The following KIF26B variants were observed in gnomAD, a reference collection of about 807,000 sequenced individuals.
KIF26B encodes kinesin-like protein KIF26B.
A neutral mutation model predicts 151.2 loss-of-function variants in KIF26B; 63 were observed. The observed-to-expected ratio is 0.42, with a 90% CI of 0.34 to 0.51. The LOEUF (loss-of-function observed/expected upper bound fraction) is 0.51, where lower values mean the gene tolerates loss of function less well. KIF26B is among the 20% of genes least tolerant of loss of function. The pLI, the probability that KIF26B is intolerant of heterozygous loss-of-function variation, is 0.07. For synonymous variants in KIF26B, 1,357 were observed against 1,262.1 expected (o/e 1.08, Z -1.59); for missense variants, 2,813 against 2,913.6 (o/e 0.97, Z 0.79).
chr1:245,261,467 TTCTCTCTCTCTCTCTC>T (rs376897211), intron 2 of KIF26B, among the ~76,000 whole-genome samples: 98 of 112,232 alleles, frequency 8.7e-4, no homozygotes, highest in South Asian at 1.8e-3. Flanking sequence ...TTTTCTTTCT[TTCTCTCTCTCTCTCTC>T]TCTCTCTCTC....
At chr1:245,620,247 G>A (rs963205594) in intron 9 of KIF26B, among the ~76,000 whole-genome samples, 14 of 152,012 alleles carry the variant, frequency 9.2e-5, no homozygotes, top group East Asian at 7.7e-4. Flanking sequence ...AACCACATTC[G>A]TATTAACAGT....
Position 245,682,289 on chromosome 1 carries a change from C to T in KIF26B, c.2259-1944C>T, listed in dbSNP as rs566448640. On this transcript the variant is annotated intron_variant, in intron 10 of 14. Coordinates refer to ENST00000407071, the MANE Select transcript of KIF26B (RefSeq NM_018012.4). ...AAAAAGTCATCGAAATGACAGAAAC[C>T]GTAATTACTTTTGCACCAAACTGTA... Among the ~76,000 whole-genome samples, 28 of 152,258 alleles carry T rather than the reference C, an allele frequency of 1.8e-4. No individual in the cohort carries two copies. In the South Asian group the frequency reaches 3.9e-3, roughly 21 times the overall value.
At position 245,685,497 on chromosome 1, in the gene KIF26B, G is replaced by A. The variant is rs770483675; in HGVS notation, c.2514G>A (p.Thr838=). ...TQLRPFHTRA[T]VDPDFPIAHL... The stretch of plus-strand genomic sequence containing the variant: ...TGAGACCCTTCCACACCAGGGCCAC[G>A]GTGGACCCTGACTTCCCCATCGCTC... Residue 838 remains threonine, a synonymous_variant, in exon 12 of 15, where the codon ACG becomes ACA. Coordinates refer to ENST00000407071, the MANE Select transcript of KIF26B (RefSeq NM_018012.4). 8.1e-6 allele frequency: 13 copies of A among 1,613,586 alleles called. No homozygotes were observed. The highest frequency in any genetic ancestry group is 1.1e-5 in the South Asian group (1 of 91,074).
chr1:245,664,695 G>A (rs1186346109), intron 10 of KIF26B, among the ~76,000 whole-genome samples: 1 of 152,096 alleles, frequency 6.6e-6, no homozygotes, highest in Non-Finnish European at 1.5e-5. Flanking sequence ...GGTTAAAACT[G>A]CTTTATATTG....
Position 245,227,926 on chromosome 1 carries a change from C to T in KIF26B, c.465+71243C>T, listed in dbSNP as rs930486737. Among the ~76,000 whole-genome samples, 3 of 152,012 alleles carry T rather than the reference C, an allele frequency of 2.0e-5. No homozygotes were observed. Among genetic ancestry groups the T allele is most frequent in the Non-Finnish European group, 4.4e-5 (3 of 67,994 alleles). On this transcript the variant is annotated intron_variant, in intron 2 of 14. Coordinates refer to ENST00000407071, the MANE Select transcript of KIF26B (RefSeq NM_018012.4). The surrounding 1 kb of genome is among the most constrained non-coding windows in gnomAD (Gnocchi z 4.1). ...CTGAGGCAGGAGAATCGCTTGAACC[C>T]GGGAGGCGGAGGTTGCAGTGAGCTC...
At chr1:245,359,071 T>C (rs1238298520) in intron 2 of KIF26B, among the ~76,000 whole-genome samples, 1 of 151,724 alleles carries the variant, frequency 6.6e-6, no homozygotes, top group Non-Finnish European at 1.5e-5. Context: ...CAGGCTGGAG[T>C]GCAGTGGCGC....
intron 3 of KIF26B, among the ~76,000 whole-genome samples, chr1:245,377,203 C>T (rs1282919368): frequency 1.3e-5 from 2 of 152,258 alleles, no homozygotes; most frequent in Non-Finnish European, 2.9e-5. Flanking sequence ...GCGTGAGCCA[C>T]CGCCCCCAGC....
At chr1:245,435,883 A>G (rs1320213656) in intron 4 of KIF26B, among the ~76,000 whole-genome samples, 1 of 152,162 alleles carries the variant, frequency 6.6e-6, no homozygotes, top group Non-Finnish European at 1.5e-5. Context: ...GAATTATTCA[A>G]CTGAAAGGAG....
intron 3 of KIF26B, among the ~76,000 whole-genome samples, chr1:245,416,292 A>AG (rs1553272388): frequency 3.5e-5 from 5 of 142,878 alleles, no homozygotes; most frequent in South Asian, 4.3e-4. Flanking sequence ...AAAAAAAAAA[A>AG]AAAAAAAGAA....
intron 3 of KIF26B, among the ~76,000 whole-genome samples, chr1:245,380,804 A>G (rs535090740): frequency 3.4e-4 from 52 of 152,186 alleles, no homozygotes; most frequent in African/African-American, 1.2e-3. Flanking sequence ...TTTGGGGGCA[A>G]TTTGGGGTGC....
intron 4 of KIF26B, among the ~76,000 whole-genome samples, chr1:245,455,143 A>G (rs115268171): frequency 7.1e-4 from 108 of 152,252 alleles, no homozygotes; most frequent in African/African-American, 2.3e-3. Flanking sequence ...CTCTCCCTGC[A>G]CCACCCCTTG....
chr1:245,328,125 A>ATGCTGATAG (rs1553347148), intron 2 of KIF26B, among the ~76,000 whole-genome samples: 15 of 151,140 alleles, frequency 9.9e-5, no homozygotes, highest in African/African-American at 2.0e-4. Flanking sequence ...CTTTGCTGGT[A>ATGCTGATAG]GGCTGTGTTT....
chr1:245,628,206 G>C (rs2043744223), intron 9 of KIF26B, among the ~76,000 whole-genome samples: 1 of 152,178 alleles, frequency 6.6e-6, no homozygotes, highest in Admixed American at 6.6e-5. Flanking sequence ...GGGCACGGTG[G>C]CTCACAGTGG....
intron 2 of KIF26B, among the ~76,000 whole-genome samples, chr1:245,257,343 G>C (rs1271963641): frequency 6.6e-6 from 1 of 152,226 alleles, no homozygotes; most frequent in African/African-American, 2.4e-5. Flanking sequence ...TCCTGGGGCT[G>C]TGTCACAGGC....
rs114316374 is a variant in KIF26B at position 245,414,527 on chromosome 1, C to T, written c.1000-5052C>T. 9.2e-3 allele frequency among the ~76,000 whole-genome samples: 1,399 copies of T among 152,268 alleles called. 6 individuals carry two copies. The highest frequency in any genetic ancestry group is 0.015 in the Non-Finnish European group (996 of 68,030). On this transcript the variant is annotated intron_variant, in intron 3 of 14. Transcript: ENST00000407071. ...AGGGCCTCTTTCCTTCAGAAACAGT[C>T]GGAAGTGACCAAGCTTCAGCTCCTC... is the stretch of plus-strand genomic sequence containing the variant.
chr1:245,643,720 A>G (rs2103183377), intron 9 of KIF26B, among the ~76,000 whole-genome samples: 1 of 152,250 alleles, frequency 6.6e-6, no homozygotes, highest in East Asian at 1.9e-4. Context: ...AGGATTTTTA[A>G]GTCAAAAAAT....
intron 2 of KIF26B, among the ~76,000 whole-genome samples, chr1:245,263,732 C>A (rs889461068): frequency 6.6e-6 from 1 of 152,196 alleles, no homozygotes; most frequent in African/African-American, 2.4e-5. Flanking sequence ...GTGGAGGATT[C>A]TTCTCCTAGA....
chr1:245,280,521 ACT>A (rs1558373086), intron 2 of KIF26B, among the ~76,000 whole-genome samples: 1 of 120,348 alleles, frequency 8.3e-6, no homozygotes, highest in Non-Finnish European at 1.8e-5. Context: ...ACAGAGCGAG[ACT>A]CTGTCTCAAA....
intron 10 of KIF26B, among the ~76,000 whole-genome samples, chr1:245,678,355 C>T (rs759859191): frequency 3.9e-5 from 6 of 152,104 alleles, no homozygotes; most frequent in Admixed American, 6.5e-5. Context: ...CTCTCTACGA[C>T]GCGTTCTGGC....
Sources: gnomAD v4.1 joint callset for allele counts (sites outside exome capture counted in the v4.1 genomes callset) on GRCh38, gnomAD v4.1.1 for gene constraint, Gnocchi (gnomAD v3.1) non-coding constraint, MANE v1.5 for transcripts, NCBI Gene and HGNC (gene_info 2026-07-23, HGNC 2026-07-21) for gene names.